The following ARNT2 variants were observed in gnomAD, a reference collection of about 807,000 sequenced individuals.
The protein encoded by ARNT2 is aryl hydrocarbon receptor nuclear translocator 2, also known as ARNT protein 2.
ARNT2 carries 36 observed loss-of-function variants against 91.7 expected under a neutral mutation model. The observed-to-expected ratio is 0.39, with a 90% confidence interval of 0.30 to 0.52. The LOEUF is 0.52. Among genes scored for constraint, ARNT2 ranks in the 20% least tolerant of loss-of-function variants. The pLI, the probability that ARNT2 is intolerant of heterozygous loss-of-function variation, is 0.72. For missense variants in ARNT2, 775 were observed against 939.3 expected, an observed-to-expected ratio of 0.83 and a Z score of 2.29; for synonymous variants, 365 against 347.1, an observed-to-expected ratio of 1.05 and a Z score of -0.57.
At chr15:80,454,363 A>G (rs560902151) in intron 2 of ARNT2, among the ~76,000 whole-genome samples, 1 of 152,306 alleles carries the variant, frequency 6.6e-6, no homozygotes, top group Non-Finnish European at 1.5e-5. Flanking sequence ...GGCTGAGGGC[A>G]GGGATGTGTC....
intron 1 of ARNT2, among the ~76,000 whole-genome samples, chr15:80,432,480 T>C (rs540625501): frequency 9.8e-5 from 15 of 152,338 alleles, no homozygotes; most frequent in African/African-American, 3.4e-4. Context: ...CAAATCTCAG[T>C]GCTCATGCAT....
chr15:80,562,468 C>G (rs1374635158), intron 11 of ARNT2, among the ~76,000 whole-genome samples: 1 of 152,180 alleles, frequency 6.6e-6, no homozygotes, highest in Non-Finnish European at 1.5e-5. Flanking sequence ...TCTTACCAAA[C>G]TCTTATGAGG....
intron 8 of ARNT2, among the ~76,000 whole-genome samples, chr15:80,523,679 A>G (rs1300477292): frequency 1.3e-5 from 2 of 152,188 alleles, no homozygotes; most frequent in Non-Finnish European, 2.9e-5. Flanking sequence ...TGCCTTGATC[A>G]TGGAAAGACT....
At chr15:80,508,600 T>C (rs1897303835) in intron 6 of ARNT2, among the ~76,000 whole-genome samples, 1 of 152,240 alleles carries the variant, frequency 6.6e-6, no homozygotes, top group Admixed American at 6.5e-5. Context: ...ACATGTTTTA[T>C]ATTAAGATGC....
rs561330566 is a variant in ARNT2, at chr15:80,499,956, C to G, written c.623-8200C>G. On this transcript the variant is annotated intron_variant, in intron 5 of 18. Coordinates refer to ENST00000303329, the MANE Select transcript of ARNT2 (RefSeq NM_014862.4). ...CTGCCCATTCAGAGCTCCCTCTTCT[C>G]GTTTGGGAAGAAAATGGTTTGGCTG... 2.6e-5 allele frequency among the ~76,000 whole-genome samples: 4 copies of G among 152,290 alleles called. No individual in the cohort carries two copies. The East Asian group carries it at 7.7e-4, about 29-fold the overall frequency.
chr15:80,529,657 C>T (rs575416128), intron 8 of ARNT2, among the ~76,000 whole-genome samples: 2 of 152,188 alleles, frequency 1.3e-5, no homozygotes, highest in South Asian at 2.1e-4. Context: ...AGACTCAAGT[C>T]TTTCTTCACG....
intron 8 of ARNT2, among the ~76,000 whole-genome samples, chr15:80,550,782 T>C (rs1269802827): frequency 6.6e-6 from 1 of 152,226 alleles, no homozygotes; most frequent in African/African-American, 2.4e-5. Context: ...GCTTCAGTGG[T>C]TTTTACTTGT....
rs1391453893 is a variant in ARNT2, at chr15:80,508,341, C to G, written c.725+83C>G. The G allele has an allele frequency of 7.2e-6, 10 of 1,397,988 alleles. No individual in the cohort carries two copies. The Admixed American group carries it at 1.6e-4, about 22-fold the overall frequency. 86.6% of individuals were successfully genotyped at this position (1,397,988 alleles called of 1,614,324 possible). A position where few individuals can be genotyped will look rare whatever the true frequency, so the allele number is the denominator to read the frequency against. On this transcript the variant is annotated intron_variant, in intron 6 of 18. Transcript: ENST00000303329. ...CCGTTAAGAGCCTTGACCAGCTCTG[C>G]CGCAGTCACACATGCCAACGTGGGT...
rs554064618 is a variant in ARNT2, at chr15:80,576,062, T to G, written c.1514-804T>G. On this transcript the variant is annotated intron_variant, in intron 14 of 18. Transcript: ENST00000303329. ...GAGGAAGATACTTTTATTCTCGCCT[T>G]CTTTCTGTTGGGAAACTGAGGCAGG... Among the ~76,000 whole-genome samples the G allele has an allele frequency of 1.2e-3, 178 of 152,276 alleles. 2 individuals are homozygous for G. Among genetic ancestry groups the G allele is most frequent in the Non-Finnish European group, 1.9e-3 (131 of 68,032 alleles).
intron 1 of ARNT2, among the ~76,000 whole-genome samples, chr15:80,417,853 G>C (rs964106073): frequency 2.6e-5 from 4 of 152,176 alleles, no homozygotes; most frequent in African/African-American, 7.2e-5. Flanking sequence ...GTGTGCTTGG[G>C]ATTCAGAGGT....
chr15:80,471,635 A>G (rs1896733169), intron 4 of ARNT2, among the ~76,000 whole-genome samples: 1 of 152,212 alleles, frequency 6.6e-6, no homozygotes, highest in Non-Finnish European at 1.5e-5. Context: ...GGTGTGAGTC[A>G]TAGTTTTCTG....
intron 4 of ARNT2, among the ~76,000 whole-genome samples, 178 bp downstream of exon 4, chr15:80,470,609 C>T (rs921155299): frequency 6.6e-6 from 1 of 152,194 alleles, no homozygotes; most frequent in African/African-American, 2.4e-5. Flanking sequence ...ATCTTTGGGT[C>T]TTCTGCTTTT....
intron 5 of ARNT2, among the ~76,000 whole-genome samples, chr15:80,486,062 G>A (rs1018401749): frequency 6.6e-6 from 1 of 152,186 alleles, no homozygotes; most frequent in African/African-American, 2.4e-5. Context: ...TTCCATGGCT[G>A]TCTCCTAGCT....
chr15:80,531,795 G>T (rs1010074538), intron 8 of ARNT2, among the ~76,000 whole-genome samples: 6 of 152,164 alleles, frequency 3.9e-5, no homozygotes, highest in Non-Finnish European at 8.8e-5. Flanking sequence ...AGAGAACCTG[G>T]GGCATGATCA....
chr15:80,544,276 G>A (rs1438696044), intron 8 of ARNT2, among the ~76,000 whole-genome samples: 2 of 152,110 alleles, frequency 1.3e-5, no homozygotes, highest in Non-Finnish European at 2.9e-5. Context: ...TTCATGCCTG[G>A]TAATTTTTTA....
Position 80,581,357 on chromosome 15 carries a change from C to T in ARNT2, c.1871C>T (p.Pro624Leu), listed in dbSNP as rs751659852. ...SPLSSPATSSPSGNAYSSLAN... is the reference protein window; with the variant it reads ...SPLSSPATSSLSGNAYSSLAN... ...CTCTCCAGCCCAGCTACCTCCTCGC[C>T]AAGTGGGAATGCCTACTCCAGTCTT... Residue 624 changes from proline (P) to leucine (L), a missense_variant, in exon 17 of 19, where the codon CCA becomes CTA. By Grantham distance (98) the Pro-to-Leu change is moderately conservative. Coordinates refer to ENST00000303329, the MANE Select transcript of ARNT2 (RefSeq NM_014862.4). The T allele has an allele frequency of 6.8e-6, 11 of 1,614,074 alleles. No individual in the cohort carries two copies. The highest frequency in any genetic ancestry group is 2.7e-5 in the African/African-American group (2 of 74,926).
chr15:80,521,307 C>T (rs1351751036), intron 8 of ARNT2, among the ~76,000 whole-genome samples: 1 of 151,352 alleles, frequency 6.6e-6, no homozygotes, highest in African/African-American at 2.4e-5. Context: ...CTTTTTTTTT[C>T]TAAACAGGAG....
intron 12 of ARNT2, among the ~76,000 whole-genome samples, chr15:80,568,344 G>C (rs112141532): frequency 7.9e-5 from 12 of 152,316 alleles, no homozygotes; most frequent in Admixed American, 2.6e-4. Flanking sequence ...GTGATCTGAA[G>C]TTATCTCTTT....
At position 80,494,200 on chromosome 15, in the gene ARNT2, G is replaced by A. The variant is rs111814501; in HGVS notation, c.623-13956G>A. On this transcript the variant is annotated intron_variant, in intron 5 of 18. Transcript: ENST00000303329. ...TTCCAGACCATCCCAGGTGTGCTGT[G>A]CTGTTTTTTGCAGAAATATTTCAAT... Among the ~76,000 whole-genome samples, 954 of 152,296 alleles carry A rather than the reference G, an allele frequency of 6.3e-3. 10 individuals are homozygous for A. The highest frequency in any genetic ancestry group is 0.022 in the African/African-American group (925 of 41,552).
Sources: gnomAD v4.1 joint callset for allele counts (sites outside exome capture counted in the v4.1 genomes callset) on GRCh38, gnomAD v4.1.1 for gene constraint, MANE v1.5 for transcripts, NCBI Gene and HGNC (gene_info 2026-07-23, HGNC 2026-07-21) for gene names.